Variants in ZSWIM5 observed in about 807,000 individuals in gnomAD.
ZSWIM5 encodes zinc finger SWIM-type containing 5, also known as zinc finger SWIM domain-containing protein 5.
In ZSWIM5, 55 loss-of-function variants were observed where a neutral mutation model predicts 119.6. That is an observed-to-expected ratio of 0.46 (90% CI 0.37 to 0.58). The LOEUF is 0.58. Among genes scored for constraint, ZSWIM5 ranks in the 20% least tolerant of loss-of-function variants. The pLI, the probability that ZSWIM5 is intolerant of heterozygous loss-of-function variation, is 0.00. For missense variants in ZSWIM5, 1,193 were observed against 1,512.8 expected (o/e 0.79, Z 3.51); for synonymous variants, 537 against 606.9 (o/e 0.88, Z 1.69).
chr1:45,146,154 CAA>C (rs975076533), intron 1 of ZSWIM5, among the ~76,000 whole-genome samples: 1 of 151,906 alleles, frequency 6.6e-6, no homozygotes, highest in African/African-American at 2.4e-5. Flanking sequence ...AATATTGCTA[CAA>C]AAGACAGTAA....
rs770952885 is a variant in ZSWIM5, at chr1:45,205,877, A to G, written c.474T>C (p.Ala158=). ...CTGCGCCCAGCCCGGGGGATGCCCC[A>G]GCCGCGACGCCCCCGGGGGCGGAGC... ...PAGSAPGGVA[A]GASPGLGAGA... Residue 158 remains alanine (A), a synonymous_variant, in exon 1 of 14, where the codon GCT becomes GCC. Coordinates refer to ENST00000359600, the MANE Select transcript of ZSWIM5 (RefSeq NM_020883.2). 290 of 1,167,128 alleles carry G rather than the reference A, an allele frequency of 2.5e-4. 4 individuals carry two copies. The highest frequency in any genetic ancestry group is 7.3e-5 in the Non-Finnish European group (69 of 949,322). 72.3% of individuals were successfully genotyped at this position (1,167,128 alleles called of 1,614,324 possible). A position where few individuals can be genotyped will look rare whatever the true frequency, so the allele number is the denominator to read the frequency against.
intron 1 of ZSWIM5, among the ~76,000 whole-genome samples, chr1:45,171,433 A>G (rs1261093500): frequency 1.3e-5 from 2 of 152,110 alleles, no homozygotes; most frequent in Non-Finnish European, 2.9e-5. Context: ...AATTACCTAC[A>G]GTGGTAGGTA....
intron 1 of ZSWIM5, among the ~76,000 whole-genome samples, chr1:45,130,592 C>T (rs1464226877): frequency 6.6e-6 from 1 of 152,048 alleles, no homozygotes; most frequent in African/African-American, 2.4e-5. Context: ...GCAACACCAC[C>T]AAACACTGAT....
chr1:45,067,878 G>A (rs1432851872), intron 2 of ZSWIM5, among the ~76,000 whole-genome samples: 1 of 152,154 alleles, frequency 6.6e-6, no homozygotes, highest in African/African-American at 2.4e-5. Context: ...CCTAGTCAAT[G>A]TAAATGATAC....
Position 45,039,019 on chromosome 1 carries a change from T to C in ZSWIM5, c.1811A>G (p.His604Arg). 1 of 1,614,070 alleles carries C rather than the reference T, an allele frequency of 6.2e-7. No homozygotes were observed. Among genetic ancestry groups the C allele is most frequent in the Non-Finnish European group, 8.5e-7 (1 of 1,180,008 alleles). The change falls in exon 8 of 14, where the codon CAC (histidine) becomes CGC (arginine). Residue 604 changes from histidine (H) to arginine (R), a missense_variant. Around this residue, in one of 2 missense-constraint regions of ZSWIM5, gnomAD observed 961 missense variants for 1,290.0 expected, o/e 0.74. Coordinates refer to ENST00000359600, the MANE Select transcript of ZSWIM5 (RefSeq NM_020883.2). ...CAGGCAGTCGATGGGATCCAGGGGG[T>C]GGCCCACCCAGCCCTCCAGGTTTGT... ...TITNLEGWVG[H>R]PLDPIDCLFL...
intron 1 of ZSWIM5, among the ~76,000 whole-genome samples, chr1:45,102,437 T>A (rs1645445796): frequency 6.6e-6 from 1 of 152,236 alleles, no homozygotes; most frequent in Non-Finnish European, 1.5e-5. Context: ...GCTAGTTAAG[T>A]GCTTCTTCCT....
chr1:45,048,075 CTTT>C (rs142365516), intron 5 of ZSWIM5, among the ~76,000 whole-genome samples: 2 of 17,344 alleles, frequency 1.2e-4, no homozygotes, highest in African/African-American at 5.6e-4. Context: ...CTTTCCTTTT[CTTT>C]TCTCTTTTTT....
chr1:45,128,225 CTCTT>C (rs1212398551), intron 1 of ZSWIM5, among the ~76,000 whole-genome samples: 2 of 152,246 alleles, frequency 1.3e-5, no homozygotes, highest in East Asian at 3.9e-4. Flanking sequence ...TTCTTTCTCT[CTCTT>C]TCTTTCTTTG....
intron 1 of ZSWIM5, among the ~76,000 whole-genome samples, chr1:45,126,999 C>T (rs1262962741): frequency 6.6e-6 from 1 of 152,084 alleles, no homozygotes; most frequent in Non-Finnish European, 1.5e-5. Flanking sequence ...ACACTGTGAC[C>T]AGCTGCCAAA....
chr1:45,126,332 G>C (rs1645621810), intron 1 of ZSWIM5, among the ~76,000 whole-genome samples: 1 of 151,600 alleles, frequency 6.6e-6, no homozygotes, highest in Non-Finnish European at 1.5e-5. Flanking sequence ...CCAACATGAG[G>C]AATGAAACAA....
chr1:45,205,124 CT>C (rs78531701), intron 1 of ZSWIM5, among the ~76,000 whole-genome samples: 2,066 of 139,104 alleles, frequency 0.015, 22 homozygotes, highest in African/African-American at 0.038. Context: ...GATTGTATGG[CT>C]TTTTTTTTTT....
intron 1 of ZSWIM5, among the ~76,000 whole-genome samples, chr1:45,140,158 A>G (rs1645717662): frequency 6.6e-6 from 1 of 152,194 alleles, no homozygotes; most frequent in African/African-American, 2.4e-5. Context: ...TTGAAAGTAG[A>G]CGGTGCTAAA....
chr1:45,148,769 TGA>T (rs1645777800), intron 1 of ZSWIM5, among the ~76,000 whole-genome samples: 1 of 152,238 alleles, frequency 6.6e-6, no homozygotes, highest in Non-Finnish European at 1.5e-5. Flanking sequence ...CTATACACAG[TGA>T]TAGCCTCCCT....
chr1:45,108,765 A>G (rs1417707994), intron 1 of ZSWIM5, among the ~76,000 whole-genome samples: 1 of 152,124 alleles, frequency 6.6e-6, no homozygotes, highest in Non-Finnish European at 1.5e-5. Flanking sequence ...ATACTTAAAA[A>G]ACTCATTTCA....
intron 2 of ZSWIM5, among the ~76,000 whole-genome samples, chr1:45,064,084 C>T (rs540582132): frequency 1.1e-4 from 17 of 152,146 alleles, no homozygotes; most frequent in African/African-American, 3.9e-4. Context: ...CTTTTTTAAC[C>T]TTCTCACTGA....
chr1:45,189,443 T>C (rs1489306114), intron 1 of ZSWIM5, among the ~76,000 whole-genome samples: 1 of 152,054 alleles, frequency 6.6e-6, no homozygotes, highest in Non-Finnish European at 1.5e-5. Context: ...TATTCAACAA[T>C]ACTATATTTG....
intron 1 of ZSWIM5, among the ~76,000 whole-genome samples, chr1:45,204,570 G>A (rs1304110311): frequency 2.0e-5 from 3 of 152,138 alleles, no homozygotes; most frequent in African/African-American, 7.2e-5. Context: ...TCAATAACCA[G>A]AAGCAGATTA....
At chr1:45,041,086 A>C (rs1259600997) in intron 6 of ZSWIM5, among the ~76,000 whole-genome samples, 1 of 152,262 alleles carries the variant, frequency 6.6e-6, no homozygotes, top group Non-Finnish European at 1.5e-5. Context: ...TTGAAGGACA[A>C]GTAAGATTTC....
In ZSWIM5 at chr1:45,016,452, A is replaced by C. The variant is rs1354816896; in HGVS notation, c.*2002T>G. The C allele has an allele frequency of 6.6e-6, 1 of 152,228 alleles. No individual in the cohort carries two copies. The highest frequency in any genetic ancestry group is 6.5e-5 in the Admixed American group (1 of 15,282). 9.4% of individuals were successfully genotyped at this position (152,228 alleles called of 1,614,324 possible). On this transcript the variant is annotated 3_prime_UTR_variant, in exon 14 of 14. Coordinates refer to ENST00000359600, the MANE Select transcript of ZSWIM5 (RefSeq NM_020883.2). ...ATCCATGATTTATTCATAGAAAAGC[A>C]CTGTGAATTCACACACTTGCTAAAA...
Sources: allele counts gnomAD v4.1 joint callset (sites outside exome capture counted in the v4.1 genomes callset), GRCh38; gene constraint gnomAD v4.1.1; regional missense constraint gnomAD v4.1.1; transcripts MANE v1.5; gene names NCBI Gene and HGNC (gene_info 2026-07-23, HGNC 2026-07-21).